The following MROH2B variants were observed in gnomAD, a reference collection of about 807,000 sequenced individuals.
MROH2B encodes the protein maestro heat-like repeat-containing protein family member 2B.
In MROH2B, 177 loss-of-function variants were observed where a neutral mutation model predicts 208.6. The ratio of observed to expected loss-of-function variants is 0.85; its 90% confidence interval spans 0.75 to 0.96. MROH2B has a LOEUF of 0.96. Among genes scored for constraint, MROH2B ranks in the 40% least tolerant of loss-of-function variants. The pLI is 0.00. For missense variants in MROH2B, 2,002 were observed against 1,878.7 expected, an observed-to-expected ratio of 1.07 and a Z score of -1.21; for synonymous variants, 728 against 659.0, an observed-to-expected ratio of 1.10 and a Z score of -1.60.
chr5:41,063,797 C>T (rs887062621), intron 5 of MROH2B, among the ~76,000 whole-genome samples: 11 of 152,132 alleles, frequency 7.2e-5, no homozygotes, highest in Non-Finnish European at 1.3e-4. Flanking sequence ...ACCAGGTCTC[C>T]AGTCTCATCC....
At chr5:41,042,813 G>A (rs941088642) in intron 18 of MROH2B, among the ~76,000 whole-genome samples, 4 of 151,984 alleles carry the variant, frequency 2.6e-5, no homozygotes, top group South Asian at 2.1e-4. Context: ...CCATGTTGGC[G>A]AGGCTGATCT....
intron 25 of MROH2B, 27 bp downstream of exon 25, chr5:41,018,856 T>C (rs759548067): frequency 6.2e-6 from 10 of 1,613,834 alleles, no homozygotes; most frequent in East Asian, 4.5e-5. Flanking sequence ...CAGACTGTCA[T>C]CCTACTTAGG....
Position 41,052,734 on chromosome 5 carries a change from A to G in MROH2B, c.1108-147T>C, listed in dbSNP as rs903574611. On this transcript the variant is annotated intron_variant, in intron 11 of 41. Coordinates refer to ENST00000399564, the MANE Select transcript of MROH2B (RefSeq NM_173489.5). Reference sequence around the variant, plus strand: ...ATTGAATAGTGTTAATACAGATTGAATAATCCTTATCCAAAATGCTTGGGA... The same window carrying G: ...ATTGAATAGTGTTAATACAGATTGAGTAATCCTTATCCAAAATGCTTGGGA... 10 of 701,448 alleles carry G rather than the reference A, an allele frequency of 1.4e-5. No homozygotes were observed. The African/African-American group carries it at 1.7e-4, about 12-fold the overall frequency. The allele number at this position is 701,448 out of a possible 1,614,324, so 43.5% of individuals were successfully genotyped here.
rs768077022 is a variant in MROH2B, at chr5:41,000,280, A to G, written c.4422T>C (p.Arg1474=). The G allele has an allele frequency of 5.6e-6, 9 of 1,613,818 alleles. No individual in the cohort carries two copies. In the African/African-American group the frequency reaches 1.2e-4, roughly 22 times the overall value. ...CCCTTGGTAGATCCTGATCAAGGAG[A>G]CGGTCTAATACCCCATAGAGCTCCT... ...GLQELYGVLD[R]LLDQDLPRAR... Residue 1474 remains arginine (R), a synonymous_variant, in exon 39 of 42, where the codon CGT becomes CGC. Transcript: ENST00000399564.
At position 41,033,075 on chromosome 5, in the gene MROH2B, A is replaced by G. The variant is rs1400256524; in HGVS notation, c.2327T>C (p.Phe776Ser). The change falls in exon 23 of 42, where the codon TTT becomes TCT. Residue 776 changes from phenylalanine to serine, a missense_variant. Coordinates refer to ENST00000399564, the MANE Select transcript of MROH2B (RefSeq NM_173489.5). The stretch of plus-strand genomic sequence containing the variant: ...ACCAATCAGCATCTCCTTGTAGGAA[A>G]ACTGGAACCCCTGATCCTCAGCATC... ...VQDAEDQGFQ[F>S]SYKEMLIGYM... 1.2e-6 allele frequency: 2 copies of G among 1,613,124 alleles called. No homozygotes were observed. The highest frequency in any genetic ancestry group is 1.3e-5 in the African/African-American group (1 of 75,008).
At chr5:41,057,478 A>G in intron 7 of MROH2B, 118 bp from the exon 8 acceptor site, 1 of 734,058 alleles carries the variant, frequency 1.4e-6, no homozygotes, top group Non-Finnish European at 2.2e-6. Context: ...TCCTGCAGTT[A>G]CAAGTTTTCT....
At chr5:41,056,910 T>C (rs900448853) in intron 9 of MROH2B, among the ~76,000 whole-genome samples, 199 bp downstream of exon 9, 5 of 152,160 alleles carry the variant, frequency 3.3e-5, no homozygotes, top group East Asian at 1.9e-4. Flanking sequence ...CCTGGCATCA[T>C]TGGCCATTCT....
intron 37 of MROH2B, among the ~76,000 whole-genome samples, chr5:41,003,690 T>C (rs1358943423): frequency 1.3e-5 from 2 of 152,236 alleles, no homozygotes; most frequent in Non-Finnish European, 2.9e-5. Flanking sequence ...TTAATGTTTA[T>C]GAAGAATGCA....
rs143353047 is a variant in MROH2B, at chr5:41,002,257, A to C, written c.4195-1424T>G. On this transcript the variant is annotated intron_variant, in intron 37 of 41. Transcript: ENST00000399564. The stretch of plus-strand genomic sequence containing the variant: ...AGATGATGAAAAATCAGAAAGAAAA[A>C]GTGGCAAAAGGATTTTGGGTGCTGG... Among the ~76,000 whole-genome samples, 493 of 152,304 alleles carry C rather than the reference A, an allele frequency of 3.2e-3. 4 individuals are homozygous for C. The highest frequency in any genetic ancestry group is 0.011 in the African/African-American group (469 of 41,566).
At chr5:41,034,110 G>C in intron 21 of MROH2B, 1 of 973,124 alleles carries the variant, frequency 1.0e-6, no homozygotes, top group South Asian at 4.8e-5. Flanking sequence ...AGGCAGGGTA[G>C]AGACTTCGAG....
chr5:41,047,287 C>T (rs1228964216), intron 17 of MROH2B, among the ~76,000 whole-genome samples: 1 of 151,896 alleles, frequency 6.6e-6, no homozygotes, highest in Admixed American at 6.6e-5. Context: ...AAAATGTGGC[C>T]CTTTGTTTTT....
In MROH2B at chr5:41,054,752, T is replaced by C. The variant is rs1312853592; in HGVS notation, c.1107+15A>G. The stretch of plus-strand genomic sequence containing the variant: ...TAAAGCTACCATCGACAAGAGTTTC[T>C]ATTAATTCTCTTACTTTTGTACTGA... On this transcript the variant is annotated intron_variant, in intron 11 of 41. Transcript: ENST00000399564. 2.5e-6 allele frequency: 4 copies of C among 1,581,306 alleles called. No homozygotes were observed. The highest frequency in any genetic ancestry group is 1.7e-5 in the Admixed American group (1 of 57,958).
intron 12 of MROH2B, 28 bp from the exon 13 acceptor site, chr5:41,051,118 G>T (rs769482306): frequency 9.0e-6 from 13 of 1,443,514 alleles, no homozygotes; most frequent in Non-Finnish European, 1.2e-5. Context: ...CAGGTGACTT[G>T]TTAATGACTC....
At chr5:41,031,553 A>G (rs748215884) in intron 24 of MROH2B, among the ~76,000 whole-genome samples, 5 of 152,164 alleles carry the variant, frequency 3.3e-5, no homozygotes, top group South Asian at 2.1e-4. Flanking sequence ...TGATTTCCCA[A>G]TCTTTACAGA....
chr5:41,046,026 C>T (rs1377884749), intron 17 of MROH2B, among the ~76,000 whole-genome samples, 173 bp from the exon 18 acceptor site: 1 of 152,024 alleles, frequency 6.6e-6, no homozygotes, highest in Non-Finnish European at 1.5e-5. Flanking sequence ...TTCTAAAAAA[C>T]ATTTTCTGAT....
intron 29 of MROH2B, among the ~76,000 whole-genome samples, chr5:41,013,880 C>T (rs1741852236): frequency 1.3e-5 from 2 of 152,228 alleles, no homozygotes; most frequent in Non-Finnish European, 2.9e-5. Flanking sequence ...TCTGCTACAG[C>T]CACCTTCCTT....
chr5:41,046,892 C>T (rs923498008), intron 17 of MROH2B, among the ~76,000 whole-genome samples: 9 of 152,044 alleles, frequency 5.9e-5, no homozygotes, highest in Admixed American at 5.9e-4. Flanking sequence ...ACTTTCAAAT[C>T]TTATACTGGA....
At chr5:41,023,069 C>A (rs577804336) in intron 24 of MROH2B, among the ~76,000 whole-genome samples, 69 of 152,232 alleles carry the variant, frequency 4.5e-4, no homozygotes, top group Non-Finnish European at 9.0e-4. Context: ...AGACCAAAGG[C>A]AGATAAAACC....
In MROH2B at chr5:41,009,908, C is replaced by T. The variant is rs1451410575; in HGVS notation, c.3293+14G>A. On this transcript the variant is annotated intron_variant, in intron 31 of 41. Coordinates refer to ENST00000399564, the MANE Select transcript of MROH2B (RefSeq NM_173489.5). ...CCTTCCCTAGGAGAAGGAATCAGTT[C>T]AATAAGGATCTACCTGTCAAAAGGC... 1 of 1,610,662 alleles carries T rather than the reference C, an allele frequency of 6.2e-7. No individual in the cohort carries two copies. Among genetic ancestry groups the T allele is most frequent in the South Asian group, 1.1e-5 (1 of 90,586 alleles).
Sources: allele counts gnomAD v4.1 joint callset (sites outside exome capture counted in the v4.1 genomes callset), GRCh38; gene constraint gnomAD v4.1.1; transcripts MANE v1.5; gene names NCBI Gene and HGNC (gene_info 2026-07-23, HGNC 2026-07-21).